Variants in UNC13C observed in about 807,000 individuals in gnomAD.
UNC13C encodes the protein protein unc-13 homolog C.
A neutral mutation model predicts 245.4 loss-of-function variants in UNC13C; 174 were observed. The observed-to-expected ratio is 0.71, with a 90% CI of 0.63 to 0.80. The LOEUF (loss-of-function observed/expected upper bound fraction) is 0.80, where lower values mean the gene tolerates loss of function less well. Among genes scored for constraint, UNC13C ranks in the 30% least tolerant of loss-of-function variants. The pLI is 0.00. For synonymous variants in UNC13C, 992 were observed against 895.1 expected, an observed-to-expected ratio of 1.11 and a Z score of -1.93; for missense variants, 2,829 against 2,602.9, an observed-to-expected ratio of 1.09 and a Z score of -1.89.
intron 22 of UNC13C, among the ~76,000 whole-genome samples, chr15:54,505,450 A>C (rs1894429433): frequency 6.6e-6 from 1 of 152,206 alleles, no homozygotes; most frequent in South Asian, 2.1e-4. Flanking sequence ...GGATAGGACC[A>C]AATAATGTGC....
At chr15:54,331,967 A>G (rs2038448465) in intron 14 of UNC13C, 76 bp from the exon 15 acceptor site, 6 of 947,410 alleles carry the variant, frequency 6.3e-6, no homozygotes, top group African/African-American at 3.4e-5. Context: ...AAATAGAGAC[A>G]AAACTCAGAA....
intron 29 of UNC13C, among the ~76,000 whole-genome samples, chr15:54,561,783 A>G (rs1236402329): frequency 6.6e-6 from 1 of 152,046 alleles, no homozygotes; most frequent in Non-Finnish European, 1.5e-5. Context: ...ATTAGATTGC[A>G]TAGTTCAAGA....
chr15:54,331,922 C>G, intron 14 of UNC13C, 121 bp from the exon 15 acceptor site: 1 of 596,396 alleles, frequency 1.7e-6, no homozygotes, highest in Non-Finnish European at 2.8e-6. Flanking sequence ...TGATCTTGGA[C>G]AAGTCATTGA....
At chr15:53,978,152 C>G (rs987553625), upstream of UNC13C, among the ~76,000 whole-genome samples, 4 of 152,248 alleles carry the variant, frequency 2.6e-5, no homozygotes, top group Non-Finnish European at 5.9e-5. Flanking sequence ...CGCTATTCCA[C>G]TGGCAGAATT....
intron 10 of UNC13C, among the ~76,000 whole-genome samples, chr15:54,275,827 T>C (rs975891120): frequency 6.6e-6 from 1 of 152,124 alleles, no homozygotes; most frequent in Non-Finnish European, 1.5e-5. Context: ...AGCTGCTTTT[T>C]TATAATAACT....
intron 29 of UNC13C, among the ~76,000 whole-genome samples, chr15:54,557,848 T>G (rs62022753): frequency 0.061 from 9,238 of 151,998 alleles, 393 homozygotes; most frequent in Admixed American, 0.13. Flanking sequence ...GCCTTGTAAA[T>G]ATCCTGGGTG....
intron 30 of UNC13C, among the ~76,000 whole-genome samples, chr15:54,610,948 A>G (rs1004942058): frequency 3.3e-5 from 5 of 152,194 alleles, no homozygotes; most frequent in African/African-American, 1.2e-4. Context: ...AAAATTTTAG[A>G]CAACTATACT....
At chr15:54,174,711 A>G (rs1291155314) in intron 4 of UNC13C, among the ~76,000 whole-genome samples, 1 of 152,176 alleles carries the variant, frequency 6.6e-6, no homozygotes, top group East Asian at 1.9e-4. Flanking sequence ...CAACAGCCCC[A>G]TCCCCACACA....
At chr15:54,175,669 C>T (rs373655105) in intron 4 of UNC13C, among the ~76,000 whole-genome samples, 6 of 151,930 alleles carry the variant, frequency 3.9e-5, no homozygotes, top group Non-Finnish European at 7.4e-5. Flanking sequence ...CCCACCACCA[C>T]GCCCAGCTAA....
intron 4 of UNC13C, among the ~76,000 whole-genome samples, chr15:54,148,518 C>T (rs554985775): frequency 1.3e-5 from 2 of 152,310 alleles, no homozygotes; most frequent in South Asian, 4.1e-4. Flanking sequence ...CTACTATCCT[C>T]ACACTCTCTT....
rs1566905398 is a variant in UNC13C at position 54,552,860 on chromosome 15, TAATATATAA to T, written c.5878-2571_5878-2563del. On this transcript the variant is annotated intron_variant, in intron 28 of 32. Transcript: ENST00000260323. ...ATATAGTACAATATATAATATATAT[TAATATATAA>T]TATATATTGTATTCTATATTACTAT... 5.1e-3 allele frequency among the ~76,000 whole-genome samples: 204 copies of T among 39,704 alleles called. 39 individuals carry two copies. Among genetic ancestry groups the T allele is most frequent in the African/African-American group, 0.011 (37 of 3,328 alleles). 26.0% of individuals were successfully genotyped at this position (39,704 alleles called of 152,430 possible).
At chr15:54,452,410 TG>T (rs1409927687) in intron 19 of UNC13C, among the ~76,000 whole-genome samples, 1 of 152,122 alleles carries the variant, frequency 6.6e-6, no homozygotes, top group Non-Finnish European at 1.5e-5. Context: ...TGAGACAGGC[TG>T]GGCAAGCTGG....
intron 19 of UNC13C, among the ~76,000 whole-genome samples, chr15:54,428,326 T>C (rs2040799732): frequency 6.6e-6 from 1 of 151,650 alleles, no homozygotes. Flanking sequence ...GTCTCTGAAC[T>C]CATCTCCTTT....
At chr15:53,974,310 A>G (rs1255202349), upstream of UNC13C, among the ~76,000 whole-genome samples, 3 of 152,202 alleles carry the variant, frequency 2.0e-5, no homozygotes, top group African/African-American at 7.2e-5. Flanking sequence ...AATAGAACAA[A>G]GCTAATTGGC....
chr15:53,931,716 C>T, the UNC13C span, among the ~76,000 whole-genome samples: 7 of 151,992 alleles, frequency 4.6e-5, no homozygotes, highest in Non-Finnish European at 8.8e-5. Flanking sequence ...AAAGACTCTG[C>T]GACTCTTCTC....
intron 4 of UNC13C, among the ~76,000 whole-genome samples, chr15:54,165,119 C>T (rs1027073603): frequency 5.9e-5 from 9 of 152,020 alleles, no homozygotes; most frequent in African/African-American, 2.2e-4. Context: ...TCTAGTGTCC[C>T]CTTTCCCACT....
intron 7 of UNC13C, among the ~76,000 whole-genome samples, chr15:54,240,348 T>A (rs2035818310): frequency 6.6e-6 from 1 of 152,198 alleles, no homozygotes; most frequent in South Asian, 2.1e-4. Flanking sequence ...GCAACTAACA[T>A]AAATGCTGGA....
the UNC13C span, among the ~76,000 whole-genome samples, chr15:53,873,895 C>T: frequency 7.2e-6 from 1 of 138,822 alleles, no homozygotes; most frequent in Non-Finnish European, 1.5e-5. Context: ...TCTTCCTTCT[C>T]TTTCCTTCCT....
At position 54,303,800 on chromosome 15, in the gene UNC13C, T is replaced by C. The variant is rs2037652552; in HGVS notation, c.4268+3427T>C. 2.0e-5 allele frequency among the ~76,000 whole-genome samples: 3 copies of C among 152,038 alleles called. No individual in the cohort carries two copies. In the South Asian group the frequency reaches 6.2e-4, roughly 31 times the overall value. On this transcript the variant is annotated intron_variant, in intron 13 of 32. Transcript: ENST00000260323. ...ACATTAATATATGTAAGATGTACAT[T>C]GGTTCCATCCAGAAAGGCGGGGTCA...
Sources: gnomAD v4.1 joint callset for allele counts (sites outside exome capture counted in the v4.1 genomes callset) on GRCh38, gnomAD v4.1.1 for gene constraint, MANE v1.5 for transcripts, NCBI Gene and HGNC (gene_info 2026-07-23, HGNC 2026-07-21) for gene names.